GASK1A: variants seen among roughly 807,000 people sequenced by gnomAD.
GASK1A encodes golgi associated kinase 1A.
Under a neutral mutation model 41.2 loss-of-function variants are expected in GASK1A, and 40 were observed. The observed-to-expected ratio is 0.97, with a 90% CI of 0.75 to 1.27. The LOEUF (loss-of-function observed/expected upper bound fraction) is 1.27, where lower values mean the gene tolerates loss of function less well. Among genes scored for constraint, GASK1A ranks in the 50% most tolerant of loss-of-function variants. GASK1A has a pLI of 0.00. For missense variants in GASK1A, 678 were observed against 745.1 expected (o/e 0.91, Z 1.05); for synonymous variants, 316 against 307.1 (o/e 1.03, Z -0.30).
chr3:43,020,556 T>C (rs985741740), intron 1 of GASK1A, among the ~76,000 whole-genome samples: 2 of 152,228 alleles, frequency 1.3e-5, no homozygotes, highest in Admixed American at 1.3e-4. Flanking sequence ...AGGGCACACA[T>C]TGAGCCCAAG....
intron 1 of GASK1A, 58 bp from the exon 2 acceptor site, chr3:43,032,209 T>C (rs1575447027): frequency 1.1e-6 from 1 of 934,314 alleles, no homozygotes; most frequent in African/African-American, 2.3e-5. Flanking sequence ...CATTGTTTTG[T>C]GGGTTGAGCT....
At chr3:42,983,747 G>A (rs528203855) in intron 1 of GASK1A, among the ~76,000 whole-genome samples, 1 of 152,304 alleles carries the variant, frequency 6.6e-6, no homozygotes, top group South Asian at 2.1e-4. Context: ...TCTCTTCTGG[G>A]GTACAGCCCT....
At chr3:43,011,675 A>G (rs989488504) in intron 1 of GASK1A, among the ~76,000 whole-genome samples, 1 of 151,310 alleles carries the variant, frequency 6.6e-6, no homozygotes, top group African/African-American at 2.4e-5. Context: ...CATAAGAAGA[A>G]ATTATGTGAA....
chr3:43,048,844 T>C (rs1360413122), intron 2 of GASK1A, among the ~76,000 whole-genome samples: 11 of 152,182 alleles, frequency 7.2e-5, no homozygotes. Flanking sequence ...CAAAAGCATC[T>C]ACCATAGTTT....
At chr3:43,028,338 C>A (rs1360626946) in intron 1 of GASK1A, among the ~76,000 whole-genome samples, 1 of 152,192 alleles carries the variant, frequency 6.6e-6, no homozygotes, top group South Asian at 2.1e-4. Context: ...TGGCCTGAAC[C>A]AGTTTTTCAG....
intron 1 of GASK1A, among the ~76,000 whole-genome samples, chr3:42,998,662 T>A (rs1201229928): frequency 6.6e-6 from 1 of 152,190 alleles, no homozygotes; most frequent in Non-Finnish European, 1.5e-5. Flanking sequence ...TCTCTGTCTC[T>A]GCCTCCTGCT....
Position 42,979,625 on chromosome 3 carries a change from C to G in GASK1A, c.-18C>G. 1 of 1,243,652 alleles carries G rather than the reference C, an allele frequency of 8.0e-7. No individual in the cohort carries two copies. The highest frequency in any genetic ancestry group is 4.1e-5 in the South Asian group (1 of 24,372). The allele number at this position is 1,243,652 out of a possible 1,614,324, so 77.0% of individuals were successfully genotyped here. On this transcript the variant is annotated 5_prime_UTR_variant, in exon 1 of 5. Transcript: ENST00000430121. The stretch of plus-strand genomic sequence containing the variant: ...CGGCTGAGCGCGCCGAGGAGCCGGC[C>G]GGGGCACCGCCGGGGACATGGTAGG...
intron 2 of GASK1A, among the ~76,000 whole-genome samples, chr3:43,049,304 A>ATAGT (rs78676921): frequency 0.17 from 25,879 of 152,168 alleles, 2,386 homozygotes; most frequent in Non-Finnish European, 0.22. Context: ...AGATGTATCA[A>ATAGT]TAGATATGTC....
chr3:43,032,521 C>G lies in GASK1A; in HGVS notation c.258C>G (p.Asn86Lys), dbSNP rs921774912. 5.2e-6 allele frequency: 8 copies of G among 1,549,534 alleles called. No individual in the cohort carries two copies. The highest frequency in any genetic ancestry group is 7.0e-6 in the Non-Finnish European group (8 of 1,145,192). The change falls in exon 2 of 5, where the codon AAC (asparagine) becomes AAG (lysine). Residue 86 changes from asparagine (N) to lysine (K), a missense_variant. Physicochemically the swap from Asn to Lys is moderately conservative, Grantham distance 94. Transcript: ENST00000430121. ...GGAGAAGCCGTGCTTTGCCCAGGAA[C>G]TCCATCTTGGTCTGTGCTGAGGAGC... ...GFWRSRALPRNSILVCAEEQG... is the reference protein window; with the variant it reads ...GFWRSRALPRKSILVCAEEQG...
intron 1 of GASK1A, among the ~76,000 whole-genome samples, chr3:43,023,704 A>C (rs915099084): frequency 1.8e-4 from 27 of 152,332 alleles, no homozygotes; most frequent in African/African-American, 6.3e-4. Flanking sequence ...TTAGGATCTC[A>C]CTTCAGAAAA....
intron 1 of GASK1A, among the ~76,000 whole-genome samples, chr3:43,015,991 G>T (rs940381664): frequency 4.0e-5 from 6 of 151,804 alleles, no homozygotes; most frequent in African/African-American, 1.5e-4. Flanking sequence ...TGAAGCCACA[G>T]GATGGGGTTT....
At chr3:42,980,078 A>T (rs1450359769) in intron 1 of GASK1A, among the ~76,000 whole-genome samples, 2 of 152,334 alleles carry the variant, frequency 1.3e-5, no homozygotes, top group East Asian at 1.9e-4. Context: ...CTATGTATTG[A>T]TATTAAAAAT....
In GASK1A at chr3:43,032,367, C is replaced by A. The variant is rs746093578; in HGVS notation, c.104C>A (p.Pro35Gln). 15 of 1,551,520 alleles carry A rather than the reference C, an allele frequency of 9.7e-6. No individual in the cohort carries two copies. The highest frequency in any genetic ancestry group is 1.0e-5 in the Non-Finnish European group (12 of 1,146,944). ...LSAMAVTRFPPQRPSAGPDPG... is the reference protein window; with the variant it reads ...LSAMAVTRFPQQRPSAGPDPG... ...GCGATGGCTGTCACCCGCTTTCCCC[C>A]ACAGCGTCCATCCGCCGGCCCAGAC... Residue 35 changes from proline (P) to glutamine (Q), a missense_variant, in exon 2 of 5, where the codon CCA becomes CAA. By Grantham distance (76) the Pro-to-Gln change is moderately conservative. Transcript: ENST00000430121.
intron 1 of GASK1A, among the ~76,000 whole-genome samples, chr3:43,030,590 G>A (rs1224806828): frequency 1.3e-5 from 2 of 152,244 alleles, no homozygotes; most frequent in African/African-American, 4.8e-5. Flanking sequence ...TCTCCCTGCA[G>A]ACTGGCTCTC....
At chr3:43,040,147 C>T (rs913488814) in intron 2 of GASK1A, among the ~76,000 whole-genome samples, 1 of 151,974 alleles carries the variant, frequency 6.6e-6, no homozygotes, top group Non-Finnish European at 1.5e-5. Flanking sequence ...ATCTTTGATC[C>T]ATCTGGAAGT....
intron 1 of GASK1A, among the ~76,000 whole-genome samples, chr3:43,007,787 AT>A (rs1221703751): frequency 6.6e-6 from 1 of 152,234 alleles, no homozygotes; most frequent in Non-Finnish European, 1.5e-5. Context: ...TTAGTCTACC[AT>A]TTTTAGCTGA....
chr3:43,001,349 G>A (rs1326558179), intron 1 of GASK1A, among the ~76,000 whole-genome samples: 1 of 152,174 alleles, frequency 6.6e-6, no homozygotes, highest in Middle Eastern at 3.2e-3. Flanking sequence ...TTCTAACACT[G>A]GATACAGCTA....
In GASK1A at chr3:43,005,094, C is replaced by G. The variant is rs1274632006; in HGVS notation, c.3+25449C>G. ...TCCCTCTGTTTCAGTCATCACATGG[C>G]CGCCTTCTTGCTTCCCTCTTAAAAG... On this transcript the variant is annotated intron_variant, in intron 1 of 4. Coordinates refer to ENST00000430121, the MANE Select transcript of GASK1A (RefSeq NM_001129908.3). Among the ~76,000 whole-genome samples the G allele has an allele frequency of 2.0e-5, 3 of 152,174 alleles. No homozygotes were observed. In the East Asian group the frequency reaches 5.8e-4, roughly 29 times the overall value.
At chr3:43,055,189 A>G (rs2089709880) in intron 3 of GASK1A, among the ~76,000 whole-genome samples, 4 of 152,222 alleles carry the variant, frequency 2.6e-5, no homozygotes, top group Non-Finnish European at 5.9e-5. Context: ...TTTCTGTAAA[A>G]TAGGGCTAAC....
Sources: gnomAD v4.1 joint callset for allele counts (sites outside exome capture counted in the v4.1 genomes callset) on GRCh38, gnomAD v4.1.1 for gene constraint, MANE v1.5 for transcripts, NCBI Gene and HGNC (gene_info 2026-07-23, HGNC 2026-07-21) for gene names.